Variants in CACNB2 observed in about 807,000 individuals in gnomAD.
CACNB2 encodes the protein voltage-dependent L-type calcium channel subunit beta-2.
A neutral mutation model predicts 73.3 loss-of-function variants in CACNB2; 42 were observed. The observed-to-expected ratio is 0.57, with a 90% CI of 0.45 to 0.74. CACNB2 has a LOEUF of 0.74. Among genes scored for constraint, CACNB2 ranks in the 30% least tolerant of loss-of-function variants. The pLI, the probability that CACNB2 is intolerant of heterozygous loss-of-function variation, is 0.00. For synonymous variants in CACNB2, 348 were observed against 310.3 expected (o/e 1.12, Z -1.28); for missense variants, 940 against 853.0 (o/e 1.10, Z -1.27).
At chr10:18,421,421 C>T (rs997946930) in intron 3 of CACNB2, among the ~76,000 whole-genome samples, 4 of 151,866 alleles carry the variant, frequency 2.6e-5, no homozygotes, top group African/African-American at 7.3e-5. Flanking sequence ...CCTCAGCCTC[C>T]GGAGTAGCTG....
chr10:18,183,632 G>T (rs2034000928), intron 2 of CACNB2, among the ~76,000 whole-genome samples: 1 of 152,172 alleles, frequency 6.6e-6, no homozygotes, highest in Middle Eastern at 3.4e-3. Context: ...AACAGCATGG[G>T]AAAAACCCAC....
chr10:18,296,164 G>T (rs2039275968), intron 2 of CACNB2, among the ~76,000 whole-genome samples: 1 of 151,474 alleles, frequency 6.6e-6, no homozygotes. Flanking sequence ...CTAGATTACT[G>T]GTCTTTCCGA....
intron 3 of CACNB2, among the ~76,000 whole-genome samples, chr10:18,498,126 A>C (rs1396250919): frequency 6.6e-6 from 1 of 152,218 alleles, no homozygotes; most frequent in Non-Finnish European, 1.5e-5. Context: ...GTGCTTTCAA[A>C]GAGAACAATG....
Position 18,479,704 on chromosome 10 carries a change from G to T in CACNB2, c.334-18651G>T, listed in dbSNP as rs1006844880. ...GTGCGTGTGTCTCTCTCTCTCGCTC[G>T]CTCGCTCTCTCGCTCTCACTCTCTC... is the stretch of plus-strand genomic sequence containing the variant. On this transcript the variant is annotated intron_variant, in intron 3 of 13. Transcript: ENST00000324631. 6.6e-5 allele frequency among the ~76,000 whole-genome samples: 10 copies of T among 151,812 alleles called. No homozygotes were observed. The South Asian group carries it at 1.9e-3, about 28-fold the overall frequency.
intron 2 of CACNB2, among the ~76,000 whole-genome samples, chr10:18,248,174 A>G (rs1225528389): frequency 1.3e-5 from 2 of 152,244 alleles, no homozygotes; most frequent in African/African-American, 4.8e-5. Flanking sequence ...ATTCAGTAGA[A>G]AAGCCCCACT....
intron 3 of CACNB2, among the ~76,000 whole-genome samples, chr10:18,440,724 G>T (rs1048530981): frequency 6.6e-6 from 1 of 152,224 alleles, no homozygotes; most frequent in Admixed American, 6.5e-5. Context: ...GTGGATATTT[G>T]AGGATAGATT....
chr10:18,297,480 C>T (rs2039325041), intron 2 of CACNB2, among the ~76,000 whole-genome samples: 1 of 152,164 alleles, frequency 6.6e-6, no homozygotes. Flanking sequence ...ATTGCTTGAG[C>T]CCAGAAGTTG....
At chr10:18,412,216 A>C (rs1350388060) in intron 3 of CACNB2, among the ~76,000 whole-genome samples, 1 of 152,216 alleles carries the variant, frequency 6.6e-6, no homozygotes, top group Non-Finnish European at 1.5e-5. Context: ...CTAATGTCCC[A>C]TTGGCCAAAG....
At chr10:18,441,653 T>C (rs2046415562) in intron 3 of CACNB2, among the ~76,000 whole-genome samples, 1 of 152,202 alleles carries the variant, frequency 6.6e-6, no homozygotes, top group Non-Finnish European at 1.5e-5. Context: ...AAATTTTTTT[T>C]AAAGACAGGG....
intron 2 of CACNB2, among the ~76,000 whole-genome samples, chr10:18,255,846 G>A (rs996467672): frequency 7.2e-5 from 11 of 152,044 alleles, no homozygotes; most frequent in African/African-American, 2.4e-4. Context: ...AGTCAATTCT[G>A]ACAAAAAACC....
chr10:18,536,407 T>G (rs938795685), intron 12 of CACNB2, among the ~76,000 whole-genome samples: 1 of 151,584 alleles, frequency 6.6e-6, no homozygotes, highest in Middle Eastern at 3.4e-3. Flanking sequence ...TATAGGTGCA[T>G]GCCACCATGA....
Position 18,538,363 on chromosome 10 carries a change from C to G in CACNB2, c.1486C>G (p.Gln496Glu). ...PLSPTLASNS[Q>E]GSQGDQRTDR... ...TAGCCCCACCCTAGCCTCTAATTCA[C>G]AGGTAAGGGGAGTTTTTATATATAT... The change falls in exon 13 of 14, where the codon CAG becomes GAG. Residue 496 changes from glutamine (Q) to glutamate (E), a missense_variant and splice_region_variant. Physicochemically the swap from Gln to Glu is conservative, Grantham distance 29. Coordinates refer to ENST00000324631, the MANE Select transcript of CACNB2 (RefSeq NM_201596.3). 1 of 1,608,198 alleles carries G rather than the reference C, an allele frequency of 6.2e-7. No homozygotes were observed.
In CACNB2 at chr10:18,182,412, C is replaced by G. The variant is rs150023501; in HGVS notation, c.213+31437C>G. Reference sequence around the variant, plus strand: ...GTAACATTTTATAGCAATCCGAAAACTTTGAGTTCAATAATAATTCATTAT... The same window carrying G: ...GTAACATTTTATAGCAATCCGAAAAGTTTGAGTTCAATAATAATTCATTAT... On this transcript the variant is annotated intron_variant, in intron 2 of 13. Coordinates refer to ENST00000324631, the MANE Select transcript of CACNB2 (RefSeq NM_201596.3). Among the ~76,000 whole-genome samples, 388 of 151,806 alleles carry G rather than the reference C, an allele frequency of 2.6e-3. 5 individuals are homozygous for G. The highest frequency in any genetic ancestry group is 8.9e-3 in the African/African-American group (369 of 41,376).
chr10:18,402,611 G>A (rs2132542845), intron 3 of CACNB2, among the ~76,000 whole-genome samples: 1 of 152,292 alleles, frequency 6.6e-6, no homozygotes, highest in South Asian at 2.1e-4. Context: ...AATAAAGTGT[G>A]TATATATGGA....
intron 2 of CACNB2, among the ~76,000 whole-genome samples, chr10:18,392,567 A>G (rs61839231): frequency 0.15 from 22,941 of 152,068 alleles, 2,002 homozygotes; most frequent in East Asian, 0.21. Context: ...AGAGGGGAAA[A>G]CTGGACAAGA....
chr10:18,440,534 G>A (rs1167090712), intron 3 of CACNB2, among the ~76,000 whole-genome samples: 2 of 152,070 alleles, frequency 1.3e-5, no homozygotes, highest in Non-Finnish European at 2.9e-5. Context: ...TGGCATGGTG[G>A]TCCACATCTG....
At chr10:18,171,593 A>G (rs546781719) in intron 2 of CACNB2, among the ~76,000 whole-genome samples, 18 of 149,438 alleles carry the variant, frequency 1.2e-4, no homozygotes, top group Admixed American at 3.4e-4. Flanking sequence ...AGTTTAAAAA[A>G]AAAAAAAAAA....
intron 2 of CACNB2, chr10:18,261,963 A>T (rs1043883584): frequency 7.7e-6 from 4 of 518,890 alleles, no homozygotes; most frequent in Non-Finnish European, 1.5e-5. Context: ...GCTAATTGCA[A>T]TATGCTGTGC....
rs1355449440 is a variant in CACNB2 at position 18,481,223 on chromosome 10, T to A, written c.334-17132T>A. Among the ~76,000 whole-genome samples, 41 of 14,720 alleles carry A rather than the reference T, an allele frequency of 2.8e-3. 1 individual carries two copies. Among genetic ancestry groups the A allele is most frequent in the Admixed American group, 5.7e-3 (6 of 1,054 alleles). The allele number at this position is 14,720 out of a possible 152,430, so 9.7% of individuals were successfully genotyped here. A position where few individuals can be genotyped will look rare whatever the true frequency, so the allele number is the denominator to read the frequency against. Reference sequence around the variant, plus strand: ...ATATATATATATATATATATATATATATATATATTTTTTTTTTTTTTTTTT... The same window carrying A: ...ATATATATATATATATATATATATAAATATATATTTTTTTTTTTTTTTTTT... On this transcript the variant is annotated intron_variant, in intron 3 of 13. Coordinates refer to ENST00000324631, the MANE Select transcript of CACNB2 (RefSeq NM_201596.3).
Sources: gnomAD v4.1 joint callset for allele counts (sites outside exome capture counted in the v4.1 genomes callset) on GRCh38, gnomAD v4.1.1 for gene constraint, MANE v1.5 for transcripts, NCBI Gene and HGNC (gene_info 2026-07-23, HGNC 2026-07-21) for gene names.